Variants in FOXO3B observed in about 807,000 individuals in gnomAD.
FOXO3B encodes forkhead box protein O3B.
In FOXO3B, 15 loss-of-function variants were observed where a neutral mutation model predicts 21.9. The observed-to-expected ratio is 0.68, with a 90% CI of 0.46 to 1.05. FOXO3B has a LOEUF of 1.05. Among genes scored for constraint, FOXO3B ranks in the 50% least tolerant of loss-of-function variants. FOXO3B has a pLI of 0.00. For synonymous variants in FOXO3B, 135 were observed against 213.6 expected (o/e 0.63, Z 3.21); for missense variants, 293 against 435.5 (o/e 0.67, Z 2.91).
At chr17:18,676,753 G>T (rs2601953) in intron 3 of FOXO3B, among the ~76,000 whole-genome samples, 28,750 of 149,730 alleles carry the variant, frequency 0.19, 3,536 homozygotes, top group African/African-American at 0.35. Context: ...CAGGCTGGAG[G>T]GCAATGGCAT....
chr17:18,672,589 G>C lies in FOXO3B; in HGVS notation c.593C>G (p.Ala198Gly), dbSNP rs953051239. ...PGGQDPGSGP[A>G]TAAGGLSGGT... Reference sequence around the variant, plus strand: ...CCCGCTCAGCCCGCCCGCCGCGGTGGCTGGCCCAGACCCGGGGTCTTGCCC... The same window carrying C: ...CCCGCTCAGCCCGCCCGCCGCGGTGCCTGGCCCAGACCCGGGGTCTTGCCC... The change falls in exon 4 of 4, where the codon GCC becomes GGC. Residue 198 changes from alanine to glycine, a missense_variant. By Grantham distance (60) the Ala-to-Gly change is moderately conservative. Transcript: ENST00000395675. This position sits in a 1 kb window ranked among gnomAD's most constrained non-coding sequence, Gnocchi z 4.2. 1 of 1,435,286 alleles carries C rather than the reference G, an allele frequency of 7.0e-7. No homozygotes were observed. The highest frequency in any genetic ancestry group is 1.6e-5 in the African/African-American group (1 of 63,450). The allele number at this position is 1,435,286 out of a possible 1,614,324, so 88.9% of individuals were successfully genotyped here.
intron 3 of FOXO3B, chr17:18,677,510 C>T: frequency 6.2e-7 from 1 of 1,613,414 alleles, no homozygotes; most frequent in South Asian, 1.1e-5. Flanking sequence ...TCTTGGAGAA[C>T]TACGAGGAGT....
chr17:18,676,992 C>T (rs980205128), intron 3 of FOXO3B, among the ~76,000 whole-genome samples: 2 of 152,196 alleles, frequency 1.3e-5, no homozygotes, highest in Admixed American at 1.3e-4. Flanking sequence ...CGTGAGTCAC[C>T]ACACCCAGCT....
chr17:18,681,922 G>A, intron 1 of FOXO3B, 76 bp from the exon 2 acceptor site: 2 of 643,718 alleles, frequency 3.1e-6, no homozygotes, highest in South Asian at 3.9e-5. Flanking sequence ...TGTCCCTGGG[G>A]GAACCGGGCG....
chr17:18,673,025 G>A lies in FOXO3B; in HGVS notation c.157C>T (p.Arg53Trp), dbSNP rs536294829. 2.1e-6 allele frequency: 3 copies of A among 1,460,340 alleles called. No individual in the cohort carries two copies. Among genetic ancestry groups the A allele is most frequent in the Non-Finnish European group, 2.7e-6 (3 of 1,112,600 alleles). 90.5% of individuals were successfully genotyped at this position (1,460,340 alleles called of 1,614,324 possible). A position where few individuals can be genotyped will look rare whatever the true frequency, so the allele number is the denominator to read the frequency against. The change falls in exon 4 of 4, where the codon CGG becomes TGG. Residue 53 changes from arginine to tryptophan, a missense_variant. Coordinates refer to ENST00000395675, the MANE Select transcript of FOXO3B (RefSeq NM_001368135.1). ...AAAAAAAPGSRSLRGVHVPPP... is the reference protein window; with the variant it reads ...AAAAAAAPGSWSLRGVHVPPP... Reference sequence around the variant, plus strand: ...GGGACGTGGACGCCGCGAAGGCTCCGGCTCCCGGGCGCCGCCGCCGCCGCC... The same window carrying A: ...GGGACGTGGACGCCGCGAAGGCTCCAGCTCCCGGGCGCCGCCGCCGCCGCC...
Position 18,671,933 on chromosome 17 carries a change from C to T in FOXO3B, c.*376G>A, listed in dbSNP as rs2032374417. ...TCGTCGTCCTGGACTTCATCCAACT[C>T]TGTGCTTGCCATGATGGGCGACAGG... On this transcript the variant is annotated 3_prime_UTR_variant, in exon 4 of 4. Coordinates refer to ENST00000395675, the MANE Select transcript of FOXO3B (RefSeq NM_001368135.1). 3.7e-6 allele frequency: 6 copies of T among 1,613,558 alleles called. No homozygotes were observed. The highest frequency in any genetic ancestry group is 1.3e-5 in the African/African-American group (1 of 74,936).
In FOXO3B at chr17:18,671,900, G is replaced by A; in HGVS notation, c.*409C>T. ...GAGCTGCTGTAGAGCATGGGCGAGA[G>A]AGGCGCATCGTCGTCCTGGACTTCA... On this transcript the variant is annotated 3_prime_UTR_variant, in exon 4 of 4. Coordinates refer to ENST00000395675, the MANE Select transcript of FOXO3B (RefSeq NM_001368135.1). 6.2e-6 allele frequency: 10 copies of A among 1,613,590 alleles called. No individual in the cohort carries two copies. Among genetic ancestry groups the A allele is most frequent in the Non-Finnish European group, 8.5e-6 (10 of 1,179,690 alleles).
rs1034564990 is a variant in FOXO3B, at chr17:18,672,112, G to A, written c.*197C>T. On this transcript the variant is annotated 3_prime_UTR_variant, in exon 4 of 4. Coordinates refer to ENST00000395675, the MANE Select transcript of FOXO3B (RefSeq NM_001368135.1). The surrounding 1 kb of genome is among the most constrained non-coding windows in gnomAD (Gnocchi z 4.2). ...TGATTCGGGGGCTGTCTGCAGGGCT[G>A]CCTTCTTCTTGGCTGTGCGGCCACG... is the stretch of plus-strand genomic sequence containing the variant. 8.7e-6 allele frequency: 14 copies of A among 1,611,324 alleles called. No homozygotes were observed. In the Admixed American group the frequency reaches 1.8e-4, roughly 21 times the overall value.
chr17:18,674,991 T>G (rs922463478), intron 3 of FOXO3B, among the ~76,000 whole-genome samples: 1 of 152,196 alleles, frequency 6.6e-6, no homozygotes. Flanking sequence ...TTTGCTTGCT[T>G]AACTCAGTGA....
intron 3 of FOXO3B, among the ~76,000 whole-genome samples, chr17:18,679,452 C>CTTTTT (rs546420565): frequency 4.7e-5 from 6 of 127,380 alleles, no homozygotes; most frequent in South Asian, 5.1e-4. Context: ...TCCTCCTCAA[C>CTTTTT]TTTTTTTTTT....
Position 18,672,753 on chromosome 17 carries a change from G to A in FOXO3B, c.429C>T (p.Pro143=), listed in dbSNP as rs1191019026. ...SGETAADSMI[P]EEEDDEDDED... Reference sequence around the variant, plus strand: ...CGTCGTCTTCATCGTCCTCCTCCTCGGGGATCATGGAGTCGGCGGCCGTCT... The same window carrying A: ...CGTCGTCTTCATCGTCCTCCTCCTCAGGGATCATGGAGTCGGCGGCCGTCT... The change falls in exon 4 of 4, where the codon CCC becomes CCT. Residue 143 remains proline, a synonymous_variant. Coordinates refer to ENST00000395675, the MANE Select transcript of FOXO3B (RefSeq NM_001368135.1). This position sits in a 1 kb window ranked among gnomAD's most constrained non-coding sequence, Gnocchi z 4.2. The A allele has an allele frequency of 6.5e-7, 1 of 1,540,536 alleles. No individual in the cohort carries two copies. Among genetic ancestry groups the A allele is most frequent in the East Asian group, 2.4e-5 (1 of 41,806 alleles).
intron 3 of FOXO3B, among the ~76,000 whole-genome samples, chr17:18,676,274 A>G (rs1369310835): frequency 2.0e-5 from 3 of 152,216 alleles, no homozygotes; most frequent in Non-Finnish European, 4.4e-5. Flanking sequence ...GGCAGTTCCT[A>G]GTAAAGCTAA....
intron 3 of FOXO3B, chr17:18,677,372 G>T (rs73981349): frequency 2.3e-5 from 37 of 1,605,816 alleles, no homozygotes; most frequent in Non-Finnish European, 3.2e-5. Flanking sequence ...ATGGCGAGAT[G>T]TGCGTCAACG....
At position 18,674,647 on chromosome 17, in the gene FOXO3B, G is replaced by GGGC. The variant is rs200320981; in HGVS notation, c.127-1593_127-1592insGCC. Among the ~76,000 whole-genome samples, 536 of 146,016 alleles carry GGGC rather than the reference G, an allele frequency of 3.7e-3. 17 individuals carry two copies. Among genetic ancestry groups the GGGC allele is most frequent in the African/African-American group, 0.013 (505 of 38,802 alleles). ...TCTCAAAAAAAAAAAAAAGGGGGGG[G>GGGC]GGAGATTACAGACAAATGCAAATTT... On this transcript the variant is annotated intron_variant, in intron 3 of 3. Transcript: ENST00000395675.
intron 3 of FOXO3B, among the ~76,000 whole-genome samples, chr17:18,673,852 G>A (rs528505699): frequency 1.8e-4 from 27 of 150,436 alleles, no homozygotes; most frequent in South Asian, 4.1e-4. Flanking sequence ...AAAAATATAT[G>A]AAGGAAAATT....
At chr17:18,677,171 A>C (rs2032502537) in intron 3 of FOXO3B, 3 of 1,086,848 alleles carry the variant, frequency 2.8e-6, no homozygotes, top group Non-Finnish European at 4.0e-6. Flanking sequence ...TGTAATTGGT[A>C]CAATGACTCT....
At chr17:18,674,647 G>GGC (rs1555619493) in intron 3 of FOXO3B, among the ~76,000 whole-genome samples, 5 of 145,928 alleles carry the variant, frequency 3.4e-5, no homozygotes, top group African/African-American at 1.0e-4. Context: ...AAAGGGGGGG[G>GGC]GGAGATTACA....
chr17:18,671,734 G>C lies in FOXO3B; in HGVS notation c.*575C>G. 6.2e-7 allele frequency: 1 copy of C among 1,613,764 alleles called. No homozygotes were observed. Among genetic ancestry groups the C allele is most frequent in the Non-Finnish European group, 8.5e-7 (1 of 1,179,954 alleles). ...CCCCCAGTGGGCGATGGCTGGGATG[G>C]CGGGAGCGTGATGTTATCCAGCAGG... is the stretch of plus-strand genomic sequence containing the variant. On this transcript the variant is annotated 3_prime_UTR_variant, in exon 4 of 4. Transcript: ENST00000395675.
chr17:18,674,794 T>C (rs556576076), intron 3 of FOXO3B, among the ~76,000 whole-genome samples: 1 of 152,316 alleles, frequency 6.6e-6, no homozygotes, highest in East Asian at 1.9e-4. Flanking sequence ...AACATACCCA[T>C]TCATGTATGC....
Sources: gnomAD v4.1 joint callset for allele counts (sites outside exome capture counted in the v4.1 genomes callset) on GRCh38, gnomAD v4.1.1 for gene constraint, Gnocchi (gnomAD v3.1) non-coding constraint, MANE v1.5 for transcripts, NCBI Gene and HGNC (gene_info 2026-07-23, HGNC 2026-07-21) for gene names.